PTBP3: variants seen among roughly 807,000 people sequenced by gnomAD.
PTBP3 encodes the protein polypyrimidine tract binding protein 3.
In PTBP3, 20 loss-of-function variants were observed where a neutral mutation model predicts 58.7. The ratio of observed to expected loss-of-function variants is 0.34; its 90% confidence interval spans 0.24 to 0.50. The LOEUF is 0.50. Among genes scored for constraint, PTBP3 ranks in the 20% least tolerant of loss-of-function variants. PTBP3 has a pLI of 0.98. For synonymous variants in PTBP3, 185 were observed against 219.8 expected, an observed-to-expected ratio of 0.84 and a Z score of 1.40; for missense variants, 509 against 637.2, an observed-to-expected ratio of 0.80 and a Z score of 2.17.
At chr9:112,244,542 G>A (rs1332595116) in intron 7 of PTBP3, among the ~76,000 whole-genome samples, 1 of 151,820 alleles carries the variant, frequency 6.6e-6, no homozygotes, top group Non-Finnish European at 1.5e-5. Context: ...AGCAGAGCAT[G>A]GTGATGTGTG....
At chr9:112,334,434 T>A (rs1375767821), upstream of PTBP3, among the ~76,000 whole-genome samples, 4 of 152,096 alleles carry the variant, frequency 2.6e-5, no homozygotes, top group Non-Finnish European at 5.9e-5. Context: ...CCAGGAAACG[T>A]TTGCACCAGA....
chr9:112,241,992 C>T (rs1207306893), intron 7 of PTBP3, among the ~76,000 whole-genome samples: 1 of 152,122 alleles, frequency 6.6e-6, no homozygotes, highest in Non-Finnish European at 1.5e-5. Flanking sequence ...CTGAATAGTA[C>T]TTGATTGCAT....
the PTBP3 span, among the ~76,000 whole-genome samples, chr9:112,373,905 G>A: frequency 6.6e-6 from 1 of 152,192 alleles, no homozygotes; most frequent in East Asian, 1.9e-4. Context: ...GGTCATAGCT[G>A]GTATTGATGA....
At position 112,234,888 on chromosome 9, in the gene PTBP3, C is replaced by A. The variant is rs142428067; in HGVS notation, c.812G>T (p.Gly271Val). 1.2e-6 allele frequency: 2 copies of A among 1,611,930 alleles called. No individual in the cohort carries two copies. The highest frequency in any genetic ancestry group is 3.3e-5 in the Admixed American group (2 of 59,860). Residue 271 changes from glycine to valine, a missense_variant, in exon 8 of 14, where the codon GGT becomes GTT. By Grantham distance (109) the Gly-to-Val change is moderately radical. Around this residue, in one of 4 missense-constraint regions of PTBP3, gnomAD observed 121 missense variants for 114.8 expected, o/e 1.05. Transcript: ENST00000374257. Reference sequence around the variant, plus strand: ...CCCTGCATATGGTGAAGAAATTATACCCGGTGCACCTAATGGGAAAGAGAA... The same window carrying A: ...CCCTGCATATGGTGAAGAAATTATAACCGGTGCACCTAATGGGAAAGAGAA... ...PPMAAAFGAPGIISSPYAGAA... is the reference protein window; with the variant it reads ...PPMAAAFGAPVIISSPYAGAA...
In PTBP3 at chr9:112,218,611, AAT is replaced by A. The variant is rs749337171; in HGVS notation, c.*5238_*5239del. The A allele has an allele frequency of 4.6e-5, 7 of 152,642 alleles. No homozygotes were observed. Among genetic ancestry groups the A allele is most frequent in the East Asian group, 1.9e-4 (1 of 5,206 alleles). The allele number at this position is 152,642 out of a possible 1,614,324, so 9.5% of individuals were successfully genotyped here. Reference sequence around the variant, plus strand: ...TTAACCATGCACTACGCATTTAGAAAATATGTTTTTTAATATTTTATCTTCTC... The same window carrying A: ...TTAACCATGCACTACGCATTTAGAAAATGTTTTTTAATATTTTATCTTCTC... On this transcript the variant is annotated 3_prime_UTR_variant, in exon 14 of 14. Transcript: ENST00000374257.
intron 12 of PTBP3, among the ~76,000 whole-genome samples, chr9:112,225,651 AG>A (rs1335257910): frequency 1.3e-5 from 2 of 152,234 alleles, no homozygotes; most frequent in African/African-American, 4.8e-5. Context: ...GTAAAGCACC[AG>A]TACAGTACCC....
At chr9:112,356,872 C>CCCT in the PTBP3 span, among the ~76,000 whole-genome samples, 3 of 51,126 alleles carry the variant, frequency 5.9e-5, no homozygotes, top group African/African-American at 7.5e-5. Flanking sequence ...ATTCATTTCC[C>CCCT]TCTTTTTTTT....
chr9:112,252,627 G>T (rs1454963505), intron 6 of PTBP3, 51 bp downstream of exon 6: 2 of 1,286,758 alleles, frequency 1.6e-6, no homozygotes, highest in Admixed American at 1.7e-5. Context: ...ACAAGAGAAG[G>T]TATCACTGGA....
At chr9:112,233,272 GGTGT>G (rs72086685) in intron 8 of PTBP3, among the ~76,000 whole-genome samples, 15,190 of 144,130 alleles carry the variant, frequency 0.11, 877 homozygotes, top group East Asian at 0.24. Context: ...TACACTGTAG[GGTGT>G]GTGTGTGTGT....
At position 112,297,133 on chromosome 9, in the gene PTBP3, G is replaced by A. The variant is rs12000472; in HGVS notation, c.34+699C>T. ...AAAATCACGTGGTACCTTATGGTAC[G>A]TAAATTACTTCAATTTTTAAAACGT... On this transcript the variant is annotated intron_variant, in intron 2 of 13. Transcript: ENST00000374257. 2.5e-3 allele frequency among the ~76,000 whole-genome samples: 385 copies of A among 152,212 alleles called. 2 individuals carry two copies. The highest frequency in any genetic ancestry group is 8.7e-3 in the African/African-American group (361 of 41,522).
At position 112,222,720 on chromosome 9, in the gene PTBP3, G is replaced by A; in HGVS notation, c.*1131C>T. ...AAAACAGAGAAAGAAAAAACAAAAT[G>A]CTTACCAAGCCCACAATATAGCTTT... On this transcript the variant is annotated 3_prime_UTR_variant, in exon 14 of 14. Coordinates refer to ENST00000374257, the MANE Select transcript of PTBP3 (RefSeq NM_001163788.4). 4 of 977,892 alleles carry A rather than the reference G, an allele frequency of 4.1e-6. No individual in the cohort carries two copies. Among genetic ancestry groups the A allele is most frequent in the Non-Finnish European group, 4.9e-6 (4 of 822,836 alleles). The allele number at this position is 977,892 out of a possible 1,614,324, so 60.6% of individuals were successfully genotyped here. A position where few individuals can be genotyped will look rare whatever the true frequency, so the allele number is the denominator to read the frequency against.
At chr9:112,218,074 C>G (rs1283137353), downstream of PTBP3, 2 of 152,150 alleles carry the variant, frequency 1.3e-5, no homozygotes, top group Non-Finnish European at 2.9e-5. Context: ...AGTGTTCCAA[C>G]TGTAGTTTGG....
At chr9:112,308,493 A>T (rs1829331025) in intron 1 of PTBP3, among the ~76,000 whole-genome samples, 1 of 152,082 alleles carries the variant, frequency 6.6e-6, no homozygotes, top group African/African-American at 2.4e-5. Context: ...CTTAATATTT[A>T]TATCCTAAGT....
At chr9:112,226,663 C>T (rs1835001172) in intron 12 of PTBP3, among the ~76,000 whole-genome samples, 1 of 152,202 alleles carries the variant, frequency 6.6e-6, no homozygotes, top group Non-Finnish European at 1.5e-5. Context: ...ATTGTCTCTG[C>T]TGCAACTAAT....
At chr9:112,368,624 G>C in the PTBP3 span, among the ~76,000 whole-genome samples, 1 of 152,086 alleles carries the variant, frequency 6.6e-6, no homozygotes, top group African/African-American at 2.4e-5. Flanking sequence ...CATACACATG[G>C]GCCTTCCCAT....
chr9:112,339,060 C>CT, the PTBP3 span, among the ~76,000 whole-genome samples: 29 of 152,218 alleles, frequency 1.9e-4, no homozygotes, highest in African/African-American at 6.5e-4. Flanking sequence ...ATGAAACAGC[C>CT]TTTTTTATTT....
upstream of PTBP3, among the ~76,000 whole-genome samples, chr9:112,338,617 G>A (rs1587909873): frequency 6.6e-6 from 1 of 152,186 alleles, no homozygotes; most frequent in Non-Finnish European, 1.5e-5. Flanking sequence ...TTTTCAGGCT[G>A]TATCACCTTG....
intron 4 of PTBP3, among the ~76,000 whole-genome samples, chr9:112,263,449 T>C (rs1836679849): frequency 1.3e-5 from 2 of 152,228 alleles, no homozygotes; most frequent in Non-Finnish European, 2.9e-5. Flanking sequence ...GGAAATTTTA[T>C]AATGCAATGA....
chr9:112,325,386 T>C (rs1010194698), intron 1 of PTBP3, among the ~76,000 whole-genome samples: 3 of 152,092 alleles, frequency 2.0e-5, no homozygotes, highest in Non-Finnish European at 4.4e-5. Flanking sequence ...GGGAGTGTGG[T>C]GGCCTGGTAT....
Sources: gnomAD v4.1 joint callset for allele counts (sites outside exome capture counted in the v4.1 genomes callset) on GRCh38, gnomAD v4.1.1 for gene constraint, gnomAD v4.1.1 regional missense constraint, MANE v1.5 for transcripts, NCBI Gene and HGNC (gene_info 2026-07-23, HGNC 2026-07-21) for gene names.